RAB11FIP1: variants seen among roughly 807,000 people sequenced by gnomAD.
RAB11FIP1 encodes RAB11 family interacting protein 1.
In RAB11FIP1, 49 loss-of-function variants were observed where a neutral mutation model predicts 83.1. That is an observed-to-expected ratio of 0.59 (90% CI 0.47 to 0.75). The LOEUF (loss-of-function observed/expected upper bound fraction) is 0.75, where lower values mean the gene tolerates loss of function less well. RAB11FIP1 is among the 30% of genes least tolerant of loss of function. The pLI, the probability that RAB11FIP1 is intolerant of heterozygous loss-of-function variation, is 0.00. For synonymous variants in RAB11FIP1, 670 were observed against 656.0 expected (o/e 1.02, Z -0.33); for missense variants, 1,536 against 1,598.7 (o/e 0.96, Z 0.67).
At chr8:37,894,014 T>C (rs987409540) in intron 1 of RAB11FIP1, among the ~76,000 whole-genome samples, 1 of 152,196 alleles carries the variant, frequency 6.6e-6, no homozygotes, top group African/African-American at 2.4e-5. Flanking sequence ...TTCTAGAACC[T>C]ACAGAGAATT....
Position 37,872,115 on chromosome 8 carries a change from T to G in RAB11FIP1, c.2687A>C (p.Glu896Ala). The G allele has an allele frequency of 6.2e-7, 1 of 1,614,018 alleles. No individual in the cohort carries two copies. The highest frequency in any genetic ancestry group is 8.5e-7 in the Non-Finnish European group (1 of 1,180,000). The change falls in exon 4 of 6, where the codon GAA becomes GCA. Residue 896 changes from glutamate to alanine, a missense_variant. Coordinates refer to ENST00000330843, the MANE Select transcript of RAB11FIP1 (RefSeq NM_001002814.3). ...TGAGCTTGCTTCACTCATGGGGACTTCGGAGAAACTCTCCTCCTGGGAGGG... is the reference window on the plus strand; with the variant it reads ...TGAGCTTGCTTCACTCATGGGGACTGCGGAGAAACTCTCCTCCTGGGAGGG... ...LLPSQEESFS[E>A]VPMSEASSAK...
Position 37,872,244 on chromosome 8 carries a change from G to A in RAB11FIP1, c.2558C>T (p.Pro853Leu), listed in dbSNP as rs751261135. 64 of 1,613,948 alleles carry A rather than the reference G, an allele frequency of 4.0e-5. No individual in the cohort carries two copies. The highest frequency in any genetic ancestry group is 1.1e-5 in the South Asian group (1 of 91,080). Residue 853 changes from proline (P) to leucine (L), a missense_variant, in exon 4 of 6, where the codon CCT (proline) becomes CTT (leucine). Transcript: ENST00000330843. The stretch of plus-strand genomic sequence containing the variant: ...GTCCTCTGCGTGGGGAGACTCAGGA[G>A]GCTCTCCGTCAGACGCGTTTCCAGC... ...SVAGNASDGE[P>L]PESPHAEDSE...
chr8:37,887,555 A>G (rs1806858674), intron 1 of RAB11FIP1, among the ~76,000 whole-genome samples: 4 of 151,912 alleles, frequency 2.6e-5, no homozygotes, highest in Admixed American at 2.6e-4. Flanking sequence ...AAAAGTAAAA[A>G]TGGACTCAGT....
chr8:37,884,328 G>A (rs1270127542), intron 1 of RAB11FIP1, among the ~76,000 whole-genome samples: 1 of 152,034 alleles, frequency 6.6e-6, no homozygotes, highest in South Asian at 2.1e-4. Flanking sequence ...CTCCCAAAGT[G>A]CTGGGAATAC....
intron 1 of RAB11FIP1, among the ~76,000 whole-genome samples, chr8:37,884,856 GT>G (rs756739320): frequency 1.3e-5 from 2 of 151,196 alleles, no homozygotes; most frequent in Non-Finnish European, 2.9e-5. Flanking sequence ...CTAGTCTTTT[GT>G]TTTGTTTTAG....
In RAB11FIP1 at chr8:37,861,713, C is replaced by T. The variant is rs1161844893; in HGVS notation, c.*1182G>A. ...AAGCAATTCTCCTGCCCCAGCCTCC[C>T]GAGTAGCTGGGATTACAGGCACGCA... On this transcript the variant is annotated 3_prime_UTR_variant, in exon 6 of 6. Transcript: ENST00000330843. 4 of 378,612 alleles carry T rather than the reference C, an allele frequency of 1.1e-5. No individual in the cohort carries two copies. Among genetic ancestry groups the T allele is most frequent in the East Asian group, 1.5e-4 (2 of 13,086 alleles). 23.5% of individuals were successfully genotyped at this position (378,612 alleles called of 1,614,324 possible). A position where few individuals can be genotyped will look rare whatever the true frequency, so the allele number is the denominator to read the frequency against.
In RAB11FIP1 at chr8:37,871,310, C is replaced by G. The variant is rs1251830737; in HGVS notation, c.3492G>C (p.Gln1164His). The G allele has an allele frequency of 1.2e-6, 2 of 1,612,600 alleles. No individual in the cohort carries two copies. Among genetic ancestry groups the G allele is most frequent in the Admixed American group, 3.3e-5 (2 of 59,706 alleles). The change falls in exon 4 of 6, where the codon CAG (glutamine) becomes CAC (histidine). Residue 1164 changes from glutamine to histidine, a missense_variant. Transcript: ENST00000330843. ...SPSETHPVSA[Q>H]PGAGTGSAKH... ...TGGCTGACCCAGTTCCAGCGCCTGGCTGAGCTGAGACTGGATGTGTCTCCG... is the reference window on the plus strand; with the variant it reads ...TGGCTGACCCAGTTCCAGCGCCTGGGTGAGCTGAGACTGGATGTGTCTCCG...
rs769762267 is a variant in RAB11FIP1 at position 37,871,521 on chromosome 8, G to T, written c.3281C>A (p.Pro1094His). The change falls in exon 4 of 6, where the codon CCT becomes CAT. Residue 1094 changes from proline (P) to histidine (H), a missense_variant. Pro to His is a moderately conservative substitution (Grantham distance 77, BLOSUM62 -2). Transcript: ENST00000330843. ...CTCAGAAGGGGAGGGGCTGGGTACA[G>T]GATTGTCCAGGGATGTGCCAGGAGG... ...SPPPGTSLDN[P>H]VPSPSPSEIF... 6.2e-7 allele frequency: 1 copy of T among 1,610,552 alleles called. No individual in the cohort carries two copies. The highest frequency in any genetic ancestry group is 2.2e-5 in the East Asian group (1 of 44,856).
intron 1 of RAB11FIP1, among the ~76,000 whole-genome samples, chr8:37,889,141 C>T (rs1193186675): frequency 6.6e-6 from 1 of 152,070 alleles, no homozygotes; most frequent in African/African-American, 2.4e-5. Flanking sequence ...CCTTATGGAC[C>T]CCTTCAGGGT....
At position 37,874,644 on chromosome 8, in the gene RAB11FIP1, T is replaced by C; in HGVS notation, c.1493A>G (p.Gln498Arg). Residue 498 changes from glutamine to arginine, a missense_variant, in exon 3 of 6, where the codon CAG becomes CGG. Gln to Arg is a conservative substitution (Grantham distance 43). Transcript: ENST00000330843. ...EKDTAAVVSRQGSSLNLFEDV... is the reference protein window; with the variant it reads ...EKDTAAVVSRRGSSLNLFEDV... ...TTCAAAGAGGTTCAGGGAGCTGCCC[T>C]GTCTGGAGACAACAGCTGCAGTATC... 6.2e-7 allele frequency: 1 copy of C among 1,614,232 alleles called. No homozygotes were observed. The highest frequency in any genetic ancestry group is 8.5e-7 in the Non-Finnish European group (1 of 1,180,040).
intron 5 of RAB11FIP1, among the ~76,000 whole-genome samples, chr8:37,867,344 A>C (rs559185965): frequency 6.6e-6 from 1 of 152,354 alleles, no homozygotes; most frequent in East Asian, 1.9e-4. Flanking sequence ...GTAGGTACAC[A>C]ATTCTGGCTG....
chr8:37,887,037 ACT>A (rs1806847834), intron 1 of RAB11FIP1, among the ~76,000 whole-genome samples: 2 of 152,118 alleles, frequency 1.3e-5, no homozygotes, highest in Admixed American at 1.3e-4. Context: ...TCATAACCTA[ACT>A]CTGAACACAG....
chr8:37,871,385 A>G lies in RAB11FIP1; in HGVS notation c.3417T>C (p.Val1139=), dbSNP rs1563366636. 6.2e-7 allele frequency: 1 copy of G among 1,614,136 alleles called. No homozygotes were observed. Among genetic ancestry groups the G allele is most frequent in the African/African-American group, 1.3e-5 (1 of 75,034 alleles). The change falls in exon 4 of 6, where the codon GTT becomes GTC. Residue 1139 remains valine (V), a synonymous_variant. Transcript: ENST00000330843. The part of the protein sequence containing the change: ...KATAEGSAGR[V]ENFGKRKPLL... ...GTGGCTTCCTCTTGCCAAAATTTTC[A>G]ACTCTACCAGCGGAGCCCTCTGCTG...
intron 5 of RAB11FIP1, 51 bp downstream of exon 5, chr8:37,870,369 C>T (rs376398385): frequency 3.4e-5 from 36 of 1,060,424 alleles, no homozygotes; most frequent in South Asian, 3.4e-4. Flanking sequence ...ACTATGGAAA[C>T]GGGTGTTCTG....
chr8:37,890,402 C>T (rs1806923469), intron 1 of RAB11FIP1, among the ~76,000 whole-genome samples: 1 of 152,178 alleles, frequency 6.6e-6, no homozygotes, highest in Non-Finnish European at 1.5e-5. Flanking sequence ...CCCTCTACTC[C>T]ATTCAAAGGC....
At chr8:37,886,431 C>T (rs1472690711) in intron 1 of RAB11FIP1, among the ~76,000 whole-genome samples, 1 of 152,206 alleles carries the variant, frequency 6.6e-6, no homozygotes, top group African/African-American at 2.4e-5. Flanking sequence ...ACTGCATCCC[C>T]GTATTAAACA....
intron 5 of RAB11FIP1, among the ~76,000 whole-genome samples, chr8:37,865,315 C>CTTTTTTTTTTTT (rs11407439): frequency 7.0e-6 from 1 of 142,934 alleles, no homozygotes; most frequent in Non-Finnish European, 1.5e-5. Flanking sequence ...TCCTGGGATT[C>CTTTTTTTTTTTT]TTTTTTTTTT....
intron 3 of RAB11FIP1, 28 bp from the exon 4 acceptor site, chr8:37,873,207 A>C: frequency 1.3e-6 from 2 of 1,546,018 alleles, no homozygotes; most frequent in Non-Finnish European, 8.7e-7. Flanking sequence ...TAAAATCTGC[A>C]GGTCAGTGCA....
chr8:37,860,595 C>A lies in RAB11FIP1; in HGVS notation c.*2300G>T, dbSNP rs889436444. On this transcript the variant is annotated 3_prime_UTR_variant, in exon 6 of 6. Coordinates refer to ENST00000330843, the MANE Select transcript of RAB11FIP1 (RefSeq NM_001002814.3). ...TGACCTCAATCAAGTGATTCACCCG[C>A]CTCAGCCTCCCAAAGTGCTGGGATT... 1 of 152,448 alleles carries A rather than the reference C, an allele frequency of 6.6e-6. No individual in the cohort carries two copies. Among genetic ancestry groups the A allele is most frequent in the African/African-American group, 2.4e-5 (1 of 41,440 alleles). 9.4% of individuals were successfully genotyped at this position (152,448 alleles called of 1,614,324 possible).
Sources: allele counts gnomAD v4.1 joint callset (sites outside exome capture counted in the v4.1 genomes callset), GRCh38; gene constraint gnomAD v4.1.1; transcripts MANE v1.5; gene names NCBI Gene and HGNC (gene_info 2026-07-23, HGNC 2026-07-21).